KCND3: variants seen among roughly 807,000 people sequenced by gnomAD.
The protein encoded by KCND3 is A-type voltage-gated potassium channel KCND3.
A neutral mutation model predicts 51.1 loss-of-function variants in KCND3; 9 were observed. That is an observed-to-expected ratio of 0.18 (90% confidence interval 0.11 to 0.31). The LOEUF (loss-of-function observed/expected upper bound fraction) is 0.31, where lower values mean the gene tolerates loss of function less well. KCND3 is among the 10% of genes least tolerant of loss of function. KCND3 has a pLI of 1.00. For synonymous variants in KCND3, 349 were observed against 368.0 expected, an observed-to-expected ratio of 0.95 and a Z score of 0.59; for missense variants, 526 against 903.8, an observed-to-expected ratio of 0.58 and a Z score of 5.36.
At chr1:111,975,588 G>A (rs1674583726) in intron 2 of KCND3, among the ~76,000 whole-genome samples, 1 of 152,100 alleles carries the variant, frequency 6.6e-6, no homozygotes, top group Non-Finnish European at 1.5e-5. Flanking sequence ...TTACTATCTG[G>A]CAGCCAGAGC....
intron 2 of KCND3, among the ~76,000 whole-genome samples, chr1:111,953,058 G>T (rs1192865224): frequency 1.3e-5 from 2 of 152,132 alleles, no homozygotes; most frequent in African/African-American, 4.8e-5. Context: ...GTGTACAAGT[G>T]AGGGAACCAG....
At chr1:111,848,710 C>T (rs926239385) in intron 2 of KCND3, among the ~76,000 whole-genome samples, 1 of 152,310 alleles carries the variant, frequency 6.6e-6, no homozygotes, top group East Asian at 1.9e-4. Flanking sequence ...CTCTTGGCTC[C>T]GAGACCTTGG....
intron 2 of KCND3, among the ~76,000 whole-genome samples, chr1:111,848,813 G>A (rs1461671098): frequency 6.6e-6 from 1 of 152,214 alleles, no homozygotes; most frequent in Non-Finnish European, 1.5e-5. Context: ...GACGTGAGGT[G>A]GGCACAGGCC....
At chr1:111,855,282 T>C (rs1293949758) in intron 2 of KCND3, among the ~76,000 whole-genome samples, 1 of 152,148 alleles carries the variant, frequency 6.6e-6, no homozygotes, top group Non-Finnish European at 1.5e-5. Flanking sequence ...TATATTCCCC[T>C]CATGGGGACA....
chr1:111,777,681 G>T (rs1664190705), intron 6 of KCND3, among the ~76,000 whole-genome samples: 1 of 152,136 alleles, frequency 6.6e-6, no homozygotes, highest in Admixed American at 6.5e-5. Flanking sequence ...GTGGGAAGTG[G>T]GTATGCTAGG....
intron 2 of KCND3, among the ~76,000 whole-genome samples, chr1:111,789,028 G>C (rs188736656): frequency 2.0e-5 from 3 of 152,326 alleles, no homozygotes; most frequent in African/African-American, 7.2e-5. Context: ...GGCTGCCTCT[G>C]AGATATATCA....
intron 2 of KCND3, among the ~76,000 whole-genome samples, chr1:111,794,358 G>T (rs974807527): frequency 6.6e-6 from 1 of 152,200 alleles, no homozygotes; most frequent in Non-Finnish European, 1.5e-5. Flanking sequence ...CCTCTCAGGT[G>T]GGGGCACGGC....
intron 2 of KCND3, among the ~76,000 whole-genome samples, chr1:111,977,550 A>G (rs1674704405): frequency 6.6e-6 from 1 of 152,166 alleles, no homozygotes; most frequent in African/African-American, 2.4e-5. Context: ...CATAACTGAG[A>G]CAACCAGTAG....
At chr1:111,910,942 AT>A (rs1163578040) in intron 2 of KCND3, 1 of 152,224 alleles carries the variant, frequency 6.6e-6, no homozygotes, top group Admixed American at 6.5e-5. Flanking sequence ...TGGGCATACA[AT>A]TTTTAATCAA....
intron 2 of KCND3, among the ~76,000 whole-genome samples, chr1:111,912,468 T>G (rs767150919): frequency 6.6e-6 from 1 of 152,254 alleles, no homozygotes; most frequent in Non-Finnish European, 1.5e-5. Context: ...GGTTTATGTA[T>G]TTACCAGTTA....
chr1:111,835,215 C>T (rs186219435), intron 2 of KCND3, among the ~76,000 whole-genome samples: 7 of 152,220 alleles, frequency 4.6e-5, no homozygotes, highest in South Asian at 4.1e-4. Flanking sequence ...CTGGCCCCTG[C>T]GGGGAGCCTC....
chr1:111,958,198 C>T (rs1673434939), intron 2 of KCND3, among the ~76,000 whole-genome samples: 1 of 152,174 alleles, frequency 6.6e-6, no homozygotes, highest in Admixed American at 6.5e-5. Context: ...TTCTTTTCAT[C>T]CTGAGTGTGT....
rs143368041 is a variant in KCND3, at chr1:111,943,934, C to T, written c.1106+37687G>A. On this transcript the variant is annotated intron_variant, in intron 2 of 7. Transcript: ENST00000302127. ...CCCATTACTCCAAGCTAAACCCAGCCGGGGCCGCACACTGATTACCTTTTA... is the reference window on the plus strand; with the variant it reads ...CCCATTACTCCAAGCTAAACCCAGCTGGGGCCGCACACTGATTACCTTTTA... 6.9e-3 allele frequency among the ~76,000 whole-genome samples: 1,051 copies of T among 152,320 alleles called. 16 individuals are homozygous for T. Among genetic ancestry groups the T allele is most frequent in the African/African-American group, 0.024 (988 of 41,572 alleles).
At chr1:111,929,011 T>G (rs1360176077) in intron 2 of KCND3, among the ~76,000 whole-genome samples, 1 of 152,260 alleles carries the variant, frequency 6.6e-6, no homozygotes, top group Non-Finnish European at 1.5e-5. Context: ...GCAGCTGCAT[T>G]AAAACCTGAA....
intron 2 of KCND3, among the ~76,000 whole-genome samples, chr1:111,887,609 T>G (rs1201322444): frequency 6.6e-6 from 1 of 152,176 alleles, no homozygotes; most frequent in Non-Finnish European, 1.5e-5. Flanking sequence ...GGGTAAACAT[T>G]TACCGAGTGG....
intron 2 of KCND3, among the ~76,000 whole-genome samples, chr1:111,945,512 C>T (rs61788959): frequency 2.6e-5 from 4 of 152,192 alleles, no homozygotes; most frequent in Admixed American, 2.6e-4. Context: ...ACTGTCACTG[C>T]CCATTCCACA....
intron 2 of KCND3, among the ~76,000 whole-genome samples, chr1:111,898,755 A>C (rs1219730655): frequency 6.6e-6 from 1 of 152,052 alleles, no homozygotes; most frequent in Non-Finnish European, 1.5e-5. Flanking sequence ...GAGACCACAG[A>C]GTGTGGGGTC....
At chr1:111,971,117 C>T (rs528706626) in intron 2 of KCND3, among the ~76,000 whole-genome samples, 1 of 152,204 alleles carries the variant, frequency 6.6e-6, no homozygotes. Context: ...TAGTACCACT[C>T]TGAAGTAGCA....
chr1:111,818,033 C>T (rs535865881), intron 2 of KCND3, among the ~76,000 whole-genome samples: 12 of 130,680 alleles, frequency 9.2e-5, no homozygotes, highest in African/African-American at 2.9e-4. Context: ...CATAGGCACA[C>T]GCGCGTGCAC....
Sources: gnomAD v4.1 joint callset for allele counts (sites outside exome capture counted in the v4.1 genomes callset) on GRCh38, gnomAD v4.1.1 for gene constraint, MANE v1.5 for transcripts, NCBI Gene and HGNC (gene_info 2026-07-23, HGNC 2026-07-21) for gene names.